Variants in PCDHB7 observed in about 807,000 individuals in gnomAD.
PCDHB7 encodes protocadherin beta 7.
For missense variants in PCDHB7, 1,148 were observed against 1,011.6 expected, an observed-to-expected ratio of 1.13 and a Z score of -1.83; for synonymous variants, 542 against 463.1, an observed-to-expected ratio of 1.17 and a Z score of -2.19.
chr5:141,174,156 G>A lies in PCDHB7; in HGVS notation c.1321G>A (p.Val441Ile), dbSNP rs1753299061. ...AACCGAGCACAACATAACCGTGCTG[G>A]TCTCCGACGTCAATGACAACGCTCC... ...LKTEHNITVL[V>I]SDVNDNAPAF... Residue 441 changes from valine (V) to isoleucine (I), a missense_variant, in exon 1 of 1, where the codon GTC becomes ATC. Transcript: ENST00000231137. The A allele has an allele frequency of 1.2e-6, 2 of 1,613,792 alleles. No homozygotes were observed. The highest frequency in any genetic ancestry group is 1.7e-5 in the Admixed American group (1 of 60,012).
chr5:141,174,002 C>T lies in PCDHB7; in HGVS notation c.1167C>T (p.Val389=), dbSNP rs577827519. Residue 389 remains valine, a synonymous_variant, in exon 1 of 1, where the codon GTC becomes GTT. Coordinates refer to ENST00000231137, the MANE Select transcript of PCDHB7 (RefSeq NM_018940.4). ...GKTVCSIQDD[V]PFILKPSVEN... Reference sequence around the variant, plus strand: ...CAGTGTGCTCCATCCAGGACGATGTCCCCTTCATCCTGAAGCCATCTGTCG... The same window carrying T: ...CAGTGTGCTCCATCCAGGACGATGTTCCCTTCATCCTGAAGCCATCTGTCG... The T allele has an allele frequency of 2.5e-6, 4 of 1,614,116 alleles. No homozygotes were observed. The highest frequency in any genetic ancestry group is 2.7e-5 in the African/African-American group (2 of 75,038).
rs1212870127 is a variant in PCDHB7, at chr5:141,175,589, T to C, written c.*372T>C. 4.3e-6 allele frequency: 1 copy of C among 234,674 alleles called. No individual in the cohort carries two copies. The highest frequency in any genetic ancestry group is 2.4e-5 in the African/African-American group (1 of 42,256). 14.5% of individuals were successfully genotyped at this position (234,674 alleles called of 1,614,324 possible). ...GAAGCATAGACTGTAGAGTATCTTT[T>C]TAAGCATTTTTAAAAAATGCTTTTA... On this transcript the variant is annotated 3_prime_UTR_variant, in exon 1 of 1. Transcript: ENST00000231137.
chr5:141,174,913 C>T lies in PCDHB7; in HGVS notation c.2078C>T (p.Ala693Val). 1 of 1,611,006 alleles carries T rather than the reference C, an allele frequency of 6.2e-7. No homozygotes were observed. Among genetic ancestry groups the T allele is most frequent in the Non-Finnish European group, 8.5e-7 (1 of 1,178,624 alleles). The change falls in exon 1 of 1, where the codon GCC becomes GTC. Residue 693 changes from alanine to valine, a missense_variant. Coordinates refer to ENST00000231137, the MANE Select transcript of PCDHB7 (RefSeq NM_018940.4). ...ACCGTCTACCTGGTGGTGGCGTTGG[C>T]CTCGGTGTCTTCGCTCTTCCTCCTC... ...SLTVYLVVAL[A>V]SVSSLFLLSV... is the part of the protein sequence containing the mutation.
Position 141,176,047 on chromosome 5 carries a change from C to T in PCDHB7, c.*830C>T, listed in dbSNP as rs1173137532. Reference sequence around the variant, plus strand: ...CGGAAAACAAAATTGAAAGGGCAACCTGTGCCTTCTCCTTTCTTCAGAACA... The same window carrying T: ...CGGAAAACAAAATTGAAAGGGCAACTTGTGCCTTCTCCTTTCTTCAGAACA... On this transcript the variant is annotated 3_prime_UTR_variant, in exon 1 of 1. Transcript: ENST00000231137. 1.2e-5 allele frequency: 2 copies of T among 167,212 alleles called. No homozygotes were observed. The highest frequency in any genetic ancestry group is 2.4e-5 in the African/African-American group (1 of 41,466). The allele number at this position is 167,212 out of a possible 1,614,324, so 10.4% of individuals were successfully genotyped here.
Position 141,173,783 on chromosome 5 carries a change from A to G in PCDHB7, c.948A>G (p.Thr316=). 1.2e-6 allele frequency: 2 copies of G among 1,614,166 alleles called. No homozygotes were observed. Among genetic ancestry groups the G allele is most frequent in the African/African-American group, 1.3e-5 (1 of 75,050 alleles). The change falls in exon 1 of 1, where the codon ACA becomes ACG. Residue 316 remains threonine, a synonymous_variant. Coordinates refer to ENST00000231137, the MANE Select transcript of PCDHB7 (RefSeq NM_018940.4). ...ACTATGAGGCAATTCAAACTTACACATTAACTATTCAGGCCAAAGACGGCG... is the reference window on the plus strand; with the variant it reads ...ACTATGAGGCAATTCAAACTTACACGTTAACTATTCAGGCCAAAGACGGCG... The part of the protein sequence containing the change: ...QLDYEAIQTY[T]LTIQAKDGGG...
In PCDHB7 at chr5:141,173,040, G is replaced by T. The variant is rs375107588; in HGVS notation, c.205G>T (p.Asp69Tyr). Residue 69 changes from aspartate to tyrosine, a missense_variant, in exon 1 of 1, where the codon GAC becomes TAC. By Grantham distance (160) the Asp-to-Tyr change is radical. Coordinates refer to ENST00000231137, the MANE Select transcript of PCDHB7 (RefSeq NM_018940.4). ...AGCCCGGGGAACTAGAATTGTTTCA[G>T]ACCAGAACATGCAAATTTTACTGCT... ...LRARGTRIVS[D>Y]QNMQILLLSS... The T allele has an allele frequency of 6.2e-7, 1 of 1,614,082 alleles. No individual in the cohort carries two copies. Among genetic ancestry groups the T allele is most frequent in the Non-Finnish European group, 8.5e-7 (1 of 1,180,042 alleles).
chr5:141,173,095 A>G lies in PCDHB7; in HGVS notation c.260A>G (p.Asn87Ser), dbSNP rs1410992862. 3.7e-6 allele frequency: 6 copies of G among 1,614,176 alleles called. No homozygotes were observed. The South Asian group carries it at 5.5e-5, about 15-fold the overall frequency. The change falls in exon 1 of 1, where the codon AAT becomes AGT. Residue 87 changes from asparagine to serine, a missense_variant. Physicochemically the swap from Asn to Ser is conservative, Grantham distance 46. Coordinates refer to ENST00000231137, the MANE Select transcript of PCDHB7 (RefSeq NM_018940.4). ...TCGCTTACTGGTGATCTACTTCTAA[A>G]TGAGAAATTGGACCGAGAGGAACTG... ...LSSLTGDLLL[N>S]EKLDREELCG...
In PCDHB7 at chr5:141,172,708, T is replaced by C; in HGVS notation, c.-128T>C. The C allele has an allele frequency of 1.4e-6, 1 of 729,576 alleles. No individual in the cohort carries two copies. Among genetic ancestry groups the C allele is most frequent in the Non-Finnish European group, 2.3e-6 (1 of 438,108 alleles). The allele number at this position is 729,576 out of a possible 1,614,324, so 45.2% of individuals were successfully genotyped here. ...GAAACAGTGGTAATAGGAATTGGGGTAAAATGAGGATCCTTCCCCACAAAC... is the reference window on the plus strand; with the variant it reads ...GAAACAGTGGTAATAGGAATTGGGGCAAAATGAGGATCCTTCCCCACAAAC... On this transcript the variant is annotated 5_prime_UTR_variant, in exon 1 of 1. Coordinates refer to ENST00000231137, the MANE Select transcript of PCDHB7 (RefSeq NM_018940.4).
In PCDHB7 at chr5:141,173,614, T is replaced by A. The variant is rs781821686; in HGVS notation, c.779T>A (p.Met260Lys). The A allele has an allele frequency of 6.2e-6, 10 of 1,614,188 alleles. No homozygotes were observed. The South Asian group carries it at 1.1e-4, about 18-fold the overall frequency. The change falls in exon 1 of 1, where the codon ATG becomes AAG. Residue 260 changes from methionine (M) to lysine (K), a missense_variant. By Grantham distance (95) the Met-to-Lys change is moderately conservative. Coordinates refer to ENST00000231137, the MANE Select transcript of PCDHB7 (RefSeq NM_018940.4). The stretch of plus-strand genomic sequence containing the variant: ...CCCGAAAATAGCCCCGTTGGTTCCA[T>A]GGTTGTCTCCGTGTCAGCCAGAGAT... ...QVPENSPVGSMVVSVSARDLD... is the reference protein window; with the variant it reads ...QVPENSPVGSKVVSVSARDLD...
In PCDHB7 at chr5:141,175,350, A is replaced by C; in HGVS notation, c.*133A>C. Reference sequence around the variant, plus strand: ...GAAGTCAAGCAATAAATTTCTATACATAAAATAGGATCCTGATTTAGTATC... The same window carrying C: ...GAAGTCAAGCAATAAATTTCTATACCTAAAATAGGATCCTGATTTAGTATC... On this transcript the variant is annotated 3_prime_UTR_variant, in exon 1 of 1. Coordinates refer to ENST00000231137, the MANE Select transcript of PCDHB7 (RefSeq NM_018940.4). The C allele has an allele frequency of 5.0e-6, 5 of 998,224 alleles. No homozygotes were observed. Among genetic ancestry groups the C allele is most frequent in the Non-Finnish European group, 7.2e-6 (5 of 692,538 alleles). The allele number at this position is 998,224 out of a possible 1,614,324, so 61.8% of individuals were successfully genotyped here. A position where few individuals can be genotyped will look rare whatever the true frequency, so the allele number is the denominator to read the frequency against.
Position 141,173,582 on chromosome 5 carries a change from G to T in PCDHB7, c.747G>T (p.Val249=), listed in dbSNP as rs781784387. ...APDFVRSLYK[V]QVPENSPVGS... is the part of the protein sequence containing the mutation. ...ATTTTGTGCGGTCGCTCTACAAGGT[G>T]CAGGTGCCCGAAAATAGCCCCGTTG... Residue 249 remains valine (V), a synonymous_variant, in exon 1 of 1, where the codon GTG becomes GTT. Transcript: ENST00000231137. The T allele has an allele frequency of 4.3e-6, 7 of 1,614,002 alleles. No individual in the cohort carries two copies. The Admixed American group carries it at 1.0e-4, about 23-fold the overall frequency.
Position 141,175,193 on chromosome 5 carries a change from A to G in PCDHB7, c.2358A>G (p.Pro786=), listed in dbSNP as rs782105017. The change falls in exon 1 of 1, where the codon CCA becomes CCG. Residue 786 remains proline, a synonymous_variant. Coordinates refer to ENST00000231137, the MANE Select transcript of PCDHB7 (RefSeq NM_018940.4). The part of the protein sequence containing the change: ...STGREVEENR[P]FQNNLGF ...GCAGGGAAGTGGAAGAAAATCGCCC[A>G]TTTCAGAATAATTTGGGTTTCTGAT... 2.5e-6 allele frequency: 4 copies of G among 1,606,006 alleles called. No homozygotes were observed. Among genetic ancestry groups the G allele is most frequent in the Non-Finnish European group, 3.4e-6 (4 of 1,176,350 alleles).
rs782350546 is a variant in PCDHB7 at position 141,172,937 on chromosome 5, T to A, written c.102T>A (p.Phe34Leu). The A allele has an allele frequency of 1.2e-6, 2 of 1,614,254 alleles. No individual in the cohort carries two copies. Among genetic ancestry groups the A allele is most frequent in the Non-Finnish European group, 8.5e-7 (1 of 1,180,042 alleles). ...CTGGCGCCGAACCGCTTCGGTATTT[T>A]GTGGCGGAGGAAACCGAGAGAGGCA... Reference protein sequence around the residue: ...SWAGAEPLRYFVAEETERGTF... With the variant: ...SWAGAEPLRYLVAEETERGTF... Residue 34 changes from phenylalanine to leucine, a missense_variant, in exon 1 of 1, where the codon TTT (phenylalanine) becomes TTA (leucine). Physicochemically the swap from Phe to Leu is conservative, Grantham distance 22. Transcript: ENST00000231137.
At position 141,173,485 on chromosome 5, in the gene PCDHB7, G is replaced by C; in HGVS notation, c.650G>C (p.Gly217Ala). Reference sequence around the variant, plus strand: ...AGTTTAACCCTCACCGCTTTAGACGGCGGCTCTCCTCCAAGATCAGGGACC... The same window carrying C: ...AGTTTAACCCTCACCGCTTTAGACGCCGGCTCTCCTCCAAGATCAGGGACC... ...EFSLTLTALD[G>A]GSPPRSGTAL... The change falls in exon 1 of 1, where the codon GGC becomes GCC. Residue 217 changes from glycine to alanine, a missense_variant. Physicochemically the swap from Gly to Ala is moderately conservative, Grantham distance 60 (BLOSUM62 0). Transcript: ENST00000231137. The C allele has an allele frequency of 6.2e-7, 1 of 1,614,216 alleles. No homozygotes were observed. Among genetic ancestry groups the C allele is most frequent in the Non-Finnish European group, 8.5e-7 (1 of 1,180,032 alleles).
Position 141,174,241 on chromosome 5 carries a change from C to A in PCDHB7, c.1406C>A (p.Pro469His), listed in dbSNP as rs202165393. 2,935 of 1,612,688 alleles carry A rather than the reference C, an allele frequency of 1.8e-3. 42 individuals are homozygous for A. In the Admixed American group the frequency reaches 0.027, roughly 15 times the overall value. ...FVRENNSPALPIGSVSATDRD... is the reference protein window; with the variant it reads ...FVRENNSPALHIGSVSATDRD... ...CGTGAGAACAACAGCCCCGCCCTGC[C>A]CATCGGCAGTGTCAGCGCCACAGAC... is the stretch of plus-strand genomic sequence containing the variant. The change falls in exon 1 of 1, where the codon CCC (proline) becomes CAC (histidine). Residue 469 changes from proline (P) to histidine (H), a missense_variant. By Grantham distance (77) the Pro-to-His change is moderately conservative. Coordinates refer to ENST00000231137, the MANE Select transcript of PCDHB7 (RefSeq NM_018940.4).
In PCDHB7 at chr5:141,174,118, C is replaced by T. The variant is rs1753297062; in HGVS notation, c.1283C>T (p.Thr428Ile). The T allele has an allele frequency of 1.2e-6, 2 of 1,614,132 alleles. No homozygotes were observed. The highest frequency in any genetic ancestry group is 1.7e-4 in the Middle Eastern group (1 of 5,994). ...ACCATCACCGTCACCGACTTGGGGA[C>T]ACCCAGGCTGAAAACCGAGCACAAC... ...NITITVTDLGTPRLKTEHNIT... is the reference protein window; with the variant it reads ...NITITVTDLGIPRLKTEHNIT... Residue 428 changes from threonine (T) to isoleucine (I), a missense_variant, in exon 1 of 1, where the codon ACA (threonine) becomes ATA (isoleucine). Coordinates refer to ENST00000231137, the MANE Select transcript of PCDHB7 (RefSeq NM_018940.4).
rs17844462 is a variant in PCDHB7, at chr5:141,174,434, C to T, written c.1599C>T (p.Ala533=). The change falls in exon 1 of 1, where the codon GCC becomes GCT. Residue 533 remains alanine, a synonymous_variant. Coordinates refer to ENST00000231137, the MANE Select transcript of PCDHB7 (RefSeq NM_018940.4). The part of the protein sequence containing the change: ...ALQAFEFRVG[A]TDRGSPALSS... ...AGGCGTTCGAGTTCCGCGTGGGCGC[C>T]ACAGACCGCGGCTCCCCCGCGCTGA... 45 of 1,611,804 alleles carry T rather than the reference C, an allele frequency of 2.8e-5. No individual in the cohort carries two copies. The highest frequency in any genetic ancestry group is 7.7e-5 in the South Asian group (7 of 90,972).
In PCDHB7 at chr5:141,174,616, G is replaced by A; in HGVS notation, c.1781G>A (p.Gly594Asp). ...GTGACCAAGGTGGTGGCGGTGGACGGCGACTCGGGCCAGAACGCCTGGCTG... is the reference window on the plus strand; with the variant it reads ...GTGACCAAGGTGGTGGCGGTGGACGACGACTCGGGCCAGAACGCCTGGCTG... ...YLVTKVVAVD[G>D]DSGQNAWLSY... Residue 594 changes from glycine to aspartate, a missense_variant, in exon 1 of 1, where the codon GGC becomes GAC. Gly to Asp is a moderately conservative substitution (Grantham distance 94, BLOSUM62 -1). Transcript: ENST00000231137. 6.2e-7 allele frequency: 1 copy of A among 1,610,108 alleles called. No individual in the cohort carries two copies.
rs1753361814 is a variant in PCDHB7 at position 141,175,570 on chromosome 5, T to C, written c.*353T>C. ...TGTACCTACCCTAGTCTCAGAAGCATAGACTGTAGAGTATCTTTTTAAGCA... is the reference window on the plus strand; with the variant it reads ...TGTACCTACCCTAGTCTCAGAAGCACAGACTGTAGAGTATCTTTTTAAGCA... On this transcript the variant is annotated 3_prime_UTR_variant, in exon 1 of 1. Coordinates refer to ENST00000231137, the MANE Select transcript of PCDHB7 (RefSeq NM_018940.4). 4 of 288,834 alleles carry C rather than the reference T, an allele frequency of 1.4e-5. No homozygotes were observed. The South Asian group carries it at 2.3e-4, about 17-fold the overall frequency. 17.9% of individuals were successfully genotyped at this position (288,834 alleles called of 1,614,324 possible). A position where few individuals can be genotyped will look rare whatever the true frequency, so the allele number is the denominator to read the frequency against.
Sources: allele counts gnomAD v4.1 joint callset, GRCh38; gene constraint gnomAD v4.1.1; transcripts MANE v1.5; gene names NCBI Gene and HGNC (gene_info 2026-07-23, HGNC 2026-07-21).